Variants in SCLT1 observed in about 807,000 individuals in gnomAD.
SCLT1 encodes the protein sodium channel and clathrin linker 1.
Under a neutral mutation model 112.8 loss-of-function variants are expected in SCLT1, and 78 were observed. The ratio of observed to expected loss-of-function variants is 0.69; its 90% CI spans 0.58 to 0.83. The LOEUF (loss-of-function observed/expected upper bound fraction) is 0.83. SCLT1 is among the 40% of genes least tolerant of loss of function. The pLI is 0.00. For synonymous variants in SCLT1, 257 were observed against 254.7 expected, an observed-to-expected ratio of 1.01 and a Z score of -0.09; for missense variants, 747 against 770.4, an observed-to-expected ratio of 0.97 and a Z score of 0.36.
At chr4:128,985,450 T>C (rs907172902) in intron 9 of SCLT1, among the ~76,000 whole-genome samples, 1 of 152,210 alleles carries the variant, frequency 6.6e-6, no homozygotes, top group Admixed American at 6.5e-5. Context: ...TAGTATCATG[T>C]TTTTACTTGC....
At chr4:128,877,794 T>C (rs1732555487) in intron 3 of SCLT1, among the ~76,000 whole-genome samples, 1 of 152,174 alleles carries the variant, frequency 6.6e-6, no homozygotes, top group African/African-American at 2.4e-5. Flanking sequence ...GGTTAAAACA[T>C]GTTAATGCAC....
chr4:129,074,820 G>A (rs1033277180), intron 2 of SCLT1, among the ~76,000 whole-genome samples: 4 of 152,118 alleles, frequency 2.6e-5, no homozygotes, highest in Non-Finnish European at 4.4e-5. Flanking sequence ...TCCCACCTCT[G>A]CTTCCTGGGT....
At chr4:129,023,710 G>A (rs533020708) in intron 5 of SCLT1, among the ~76,000 whole-genome samples, 5 of 152,338 alleles carry the variant, frequency 3.3e-5, no homozygotes, top group South Asian at 4.1e-4. Context: ...GCAGTGCACT[G>A]TGTGCGAGCT....
At chr4:128,938,204 T>C (rs1737374974) in intron 17 of SCLT1, among the ~76,000 whole-genome samples, 1 of 152,078 alleles carries the variant, frequency 6.6e-6, no homozygotes, top group African/African-American at 2.4e-5. Context: ...ACAATGAGAG[T>C]AATTCATTAA....
At chr4:128,967,071 AATG>A (rs1740265951) in intron 10 of SCLT1, among the ~76,000 whole-genome samples, 1 of 152,108 alleles carries the variant, frequency 6.6e-6, no homozygotes, top group Non-Finnish European at 1.5e-5. Context: ...ATTTGTACTC[AATG>A]ATTAGCTCCC....
intron 18 of SCLT1, among the ~76,000 whole-genome samples, chr4:128,936,102 C>T (rs1458310900): frequency 1.5e-5 from 2 of 134,202 alleles, no homozygotes; most frequent in African/African-American, 2.9e-5. Flanking sequence ...ACCCTTGCCT[C>T]TTTACAGTCT....
intron 3 of SCLT1, among the ~76,000 whole-genome samples, chr4:129,043,673 A>C (rs1015976833): frequency 2.0e-5 from 3 of 152,184 alleles, no homozygotes; most frequent in Admixed American, 6.6e-5. Flanking sequence ...GGATGGCTAG[A>C]CTGTGCAATG....
chr4:128,953,747 C>T (rs556377807), intron 13 of SCLT1, among the ~76,000 whole-genome samples: 102 of 148,290 alleles, frequency 6.9e-4, no homozygotes, highest in African/African-American at 2.3e-3. Context: ...TGCAGTGAGC[C>T]GAGATGGCGC....
chr4:129,023,976 G>C (rs1354586872), intron 5 of SCLT1, among the ~76,000 whole-genome samples: 1 of 152,208 alleles, frequency 6.6e-6, no homozygotes, highest in Non-Finnish European at 1.5e-5. Context: ...AGGCGGCAGC[G>C]AGGCTGGGGG....
intron 5 of SCLT1, among the ~76,000 whole-genome samples, chr4:129,005,152 C>T (rs186168539): frequency 1.1e-4 from 17 of 151,976 alleles, no homozygotes; most frequent in Non-Finnish European, 1.3e-4. Flanking sequence ...TCTTTTTAAC[C>T]GTAGTATTCA....
intron 17 of SCLT1, among the ~76,000 whole-genome samples, chr4:128,941,011 T>C (rs1358720499): frequency 1.3e-5 from 2 of 152,196 alleles, no homozygotes; most frequent in Non-Finnish European, 2.9e-5. Context: ...TACTGTTTTT[T>C]TTTCTTAGAT....
At chr4:128,902,845 C>G (rs1365158948) in intron 18 of SCLT1, among the ~76,000 whole-genome samples, 1 of 151,932 alleles carries the variant, frequency 6.6e-6, no homozygotes, top group Non-Finnish European at 1.5e-5. Context: ...TTCTCTATAT[C>G]CTTATTCTTT....
At chr4:129,029,576 T>A (rs1439719125) in intron 5 of SCLT1, among the ~76,000 whole-genome samples, 3 of 151,586 alleles carry the variant, frequency 2.0e-5, no homozygotes, top group African/African-American at 4.8e-5. Flanking sequence ...TACCTAATGC[T>A]AAATGACGAG....
At chr4:129,084,463 AACAGAAGATGTTTAAG>A (rs1188409386) in intron 1 of SCLT1, among the ~76,000 whole-genome samples, 2 of 152,276 alleles carry the variant, frequency 1.3e-5, no homozygotes, top group African/African-American at 4.8e-5. Context: ...TAATAAATAC[AACAGAAGATGTTTAAG>A]ACCTCTACAC....
chr4:128,922,825 G>A (rs955562354), intron 18 of SCLT1, among the ~76,000 whole-genome samples: 4 of 152,038 alleles, frequency 2.6e-5, no homozygotes, highest in African/African-American at 9.7e-5. Context: ...CCAACCCCTT[G>A]AGAATATACA....
intron 1 of SCLT1, among the ~76,000 whole-genome samples, chr4:129,087,363 G>A (rs1443033821): frequency 6.6e-6 from 1 of 152,032 alleles, no homozygotes; most frequent in Non-Finnish European, 1.5e-5. Context: ...AAATATTCAA[G>A]GAAGAAATAA....
intron 13 of SCLT1, 151 bp downstream of exon 13, chr4:128,956,875 A>T (rs567302413): frequency 1.2e-5 from 6 of 496,730 alleles, no homozygotes; most frequent in Non-Finnish European, 2.1e-5. Context: ...TCCTTTAGTT[A>T]GTTTTTAAAC....
At chr4:129,064,270 G>C (rs1003571831) in intron 2 of SCLT1, among the ~76,000 whole-genome samples, 2 of 152,060 alleles carry the variant, frequency 1.3e-5, no homozygotes, top group African/African-American at 4.8e-5. Context: ...GTCAGTCTGT[G>C]GTATGTTTAT....
rs567639900 is a variant in SCLT1 at position 129,020,307 on chromosome 4, A to G, written c.291-16431T>C. ...CTCTTATATATATACTGGATATGTT[A>G]CAGTCATGGTATCTGCCATGCCCAG... On this transcript the variant is annotated intron_variant, in intron 5 of 20. Transcript: ENST00000281142. Among the ~76,000 whole-genome samples, 35 of 152,310 alleles carry G rather than the reference A, an allele frequency of 2.3e-4. 1 individual carries two copies. The highest frequency in any genetic ancestry group is 6.8e-3 in the Middle Eastern group (2 of 294).
Sources: allele counts gnomAD v4.1 joint callset (sites outside exome capture counted in the v4.1 genomes callset), GRCh38; gene constraint gnomAD v4.1.1; transcripts MANE v1.5; gene names NCBI Gene and HGNC (gene_info 2026-07-23, HGNC 2026-07-21).